The following PLPPR1 variants were observed in gnomAD, a reference collection of about 807,000 sequenced individuals.
PLPPR1 encodes phospholipid phosphatase related 1, also known as phospholipid phosphatase-related protein type 1.
Under a neutral mutation model 33.1 loss-of-function variants are expected in PLPPR1, and 10 were observed. That is an observed-to-expected ratio of 0.30 (90% CI 0.19 to 0.51). The LOEUF (loss-of-function observed/expected upper bound fraction) is 0.51. Ranked by LOEUF, PLPPR1 falls within the 20% of genes least tolerant of loss-of-function variation. PLPPR1 has a pLI of 0.97. For missense variants in PLPPR1, 304 were observed against 408.1 expected (o/e 0.74, Z 2.20); for synonymous variants, 151 against 151.0 (o/e 1.00, Z 0.00).
chr9:101,092,216 T>C (rs1360924661), intron 1 of PLPPR1, among the ~76,000 whole-genome samples: 1 of 152,224 alleles, frequency 6.6e-6, no homozygotes, highest in Admixed American at 6.5e-5. Context: ...TAAATGTCAC[T>C]TTCTTTAGGA....
At position 101,223,702 on chromosome 9, in the gene PLPPR1, C is replaced by T. The variant is rs140194272; in HGVS notation, c.63+38145C>T. 3.9e-3 allele frequency among the ~76,000 whole-genome samples: 588 copies of T among 152,196 alleles called. 3 individuals carry two copies. Among genetic ancestry groups the T allele is most frequent in the African/African-American group, 0.014 (568 of 41,544 alleles). On this transcript the variant is annotated intron_variant, in intron 2 of 7. Transcript: ENST00000374874. ...TTGTACTCATTCTCTCCCCTACCAA[C>T]CTGTGAAGAGGTGCCTTCTGCCATG...
chr9:101,299,322 A>T (rs954852509), intron 4 of PLPPR1, among the ~76,000 whole-genome samples: 9 of 152,154 alleles, frequency 5.9e-5, no homozygotes, highest in Admixed American at 2.6e-4. Context: ...CCTACTAGGG[A>T]TCAGGATTGG....
At chr9:101,133,776 T>G (rs1477150965) in intron 1 of PLPPR1, among the ~76,000 whole-genome samples, 1 of 152,158 alleles carries the variant, frequency 6.6e-6, no homozygotes, top group Non-Finnish European at 1.5e-5. Context: ...TGAAGAAAAC[T>G]AGAGCAAAGT....
intron 1 of PLPPR1, among the ~76,000 whole-genome samples, chr9:101,165,585 A>G (rs567360660): frequency 2.6e-5 from 4 of 152,270 alleles, no homozygotes; most frequent in Admixed American, 2.6e-4. Flanking sequence ...TTTAAAGGCA[A>G]TTCTCAATAA....
chr9:101,255,836 A>G (rs899279153), intron 2 of PLPPR1, among the ~76,000 whole-genome samples: 1 of 152,168 alleles, frequency 6.6e-6, no homozygotes. Context: ...AAAGCAAAAC[A>G]ATTTTCCCCA....
At chr9:101,129,388 C>T (rs533948315) in intron 1 of PLPPR1, among the ~76,000 whole-genome samples, 1 of 152,220 alleles carries the variant, frequency 6.6e-6, no homozygotes, top group Non-Finnish European at 1.5e-5. Flanking sequence ...GAAATGAAAG[C>T]ATATGTCCAC....
intron 1 of PLPPR1, among the ~76,000 whole-genome samples, chr9:101,132,396 G>T (rs1391395673): frequency 6.6e-6 from 1 of 152,146 alleles, no homozygotes; most frequent in East Asian, 1.9e-4. Context: ...CTAAGTGAAA[G>T]AAGTGAATCT....
chr9:101,093,673 T>C (rs1830778404), intron 1 of PLPPR1, among the ~76,000 whole-genome samples: 1 of 152,202 alleles, frequency 6.6e-6, no homozygotes, highest in African/African-American at 2.4e-5. Context: ...AGTGCATCAC[T>C]ACTACATAGC....
intron 6 of PLPPR1, among the ~76,000 whole-genome samples, chr9:101,313,926 G>T (rs1829007323): frequency 1.3e-5 from 2 of 151,928 alleles, no homozygotes; most frequent in Admixed American, 1.3e-4. Context: ...ATTTTTTCAG[G>T]TATCTTTCAC....
chr9:101,230,883 T>C (rs554679611), intron 2 of PLPPR1, among the ~76,000 whole-genome samples: 167 of 151,196 alleles, frequency 1.1e-3, no homozygotes, highest in Middle Eastern at 3.4e-3. Context: ...GTTTTTAAAA[T>C]TTATTTATTT....
chr9:101,095,389 G>T (rs1052979369), intron 1 of PLPPR1, among the ~76,000 whole-genome samples: 5 of 152,120 alleles, frequency 3.3e-5, no homozygotes, highest in South Asian at 2.1e-4. Context: ...CTCCTTGGAG[G>T]TTCCTGGTCT....
At chr9:101,246,080 ATAT>A (rs1827598873) in intron 2 of PLPPR1, among the ~76,000 whole-genome samples, 1 of 124,308 alleles carries the variant, frequency 8.0e-6, no homozygotes, top group Non-Finnish European at 1.7e-5. Flanking sequence ...ATATATATAT[ATAT>A]ATATATATAT....
chr9:101,160,011 A>G (rs1831752148), intron 1 of PLPPR1, among the ~76,000 whole-genome samples: 1 of 152,202 alleles, frequency 6.6e-6, no homozygotes, highest in Non-Finnish European at 1.5e-5. Context: ...TGGCAGTGAT[A>G]GCATTATCTT....
intron 2 of PLPPR1, among the ~76,000 whole-genome samples, chr9:101,248,082 C>T (rs1395976775): frequency 1.3e-5 from 2 of 151,954 alleles, no homozygotes. Flanking sequence ...TATAAGGTGT[C>T]AGGTGATGAA....
At chr9:101,092,504 T>G (rs1830757379) in intron 1 of PLPPR1, among the ~76,000 whole-genome samples, 2 of 152,172 alleles carry the variant, frequency 1.3e-5, no homozygotes, top group African/African-American at 4.8e-5. Flanking sequence ...TTAAATAAAA[T>G]GGGTGCCCAG....
At chr9:101,165,671 C>A (rs1825843423) in intron 1 of PLPPR1, among the ~76,000 whole-genome samples, 2 of 152,072 alleles carry the variant, frequency 1.3e-5, no homozygotes, top group South Asian at 4.2e-4. Context: ...TGGAAAAGGA[C>A]AGAAGAGGAG....
At chr9:101,132,246 G>T (rs2118614989) in intron 1 of PLPPR1, among the ~76,000 whole-genome samples, 1 of 152,272 alleles carries the variant, frequency 6.6e-6, no homozygotes, top group Non-Finnish European at 1.5e-5. Flanking sequence ...ACACTAGAAG[G>T]AGGATGACTA....
chr9:101,176,141 C>T (rs528096478), intron 1 of PLPPR1, among the ~76,000 whole-genome samples: 3 of 152,202 alleles, frequency 2.0e-5, no homozygotes, highest in Non-Finnish European at 2.9e-5. Context: ...AAAGGGTAGC[C>T]GGACAAGCCA....
intron 2 of PLPPR1, among the ~76,000 whole-genome samples, chr9:101,201,664 A>C (rs892433358): frequency 6.6e-6 from 1 of 152,206 alleles, no homozygotes; most frequent in Non-Finnish European, 1.5e-5. Context: ...ATTCTCAGTA[A>C]TCATTAGCTT....
Sources: allele counts gnomAD v4.1 joint callset (sites outside exome capture counted in the v4.1 genomes callset), GRCh38; gene constraint gnomAD v4.1.1; transcripts MANE v1.5; gene names NCBI Gene and HGNC (gene_info 2026-07-23, HGNC 2026-07-21).